Variants in KCNAB2 observed in about 807,000 individuals in gnomAD.
KCNAB2 encodes voltage-gated potassium channel subunit beta-2.
A neutral mutation model predicts 63.6 loss-of-function variants in KCNAB2; 29 were observed. The observed-to-expected ratio is 0.46, with a 90% CI of 0.34 to 0.62. The LOEUF (loss-of-function observed/expected upper bound fraction) is 0.62. Ranked by LOEUF, KCNAB2 falls within the 20% of genes least tolerant of loss-of-function variation. The pLI is 0.01. For synonymous variants in KCNAB2, 222 were observed against 224.2 expected (o/e 0.99, Z 0.09); for missense variants, 359 against 563.9 (o/e 0.64, Z 3.68).
At chr1:6,091,137 C>T in intron 9 of KCNAB2, 126 bp from the exon 10 acceptor site, 1 of 712,594 alleles carries the variant, frequency 1.4e-6, no homozygotes, top group African/African-American at 1.8e-5. Flanking sequence ...ATATTTTTTT[C>T]CTTTTTAACT....
intron 4 of KCNAB2, 104 bp from the exon 5 acceptor site, chr1:6,082,091 C>G: frequency 1.1e-6 from 1 of 925,776 alleles, no homozygotes; most frequent in Non-Finnish European, 1.8e-6. Flanking sequence ...CCCGGGAGGG[C>G]AGGGCCTGGA....
At chr1:6,031,826 C>T (rs1329776698), upstream of KCNAB2, among the ~76,000 whole-genome samples, 6 of 152,042 alleles carry the variant, frequency 3.9e-5, no homozygotes, top group African/African-American at 1.5e-4. The surrounding 1 kb of genome is among the most constrained non-coding windows in gnomAD (Gnocchi z 4.1). Context: ...TAGGTCAGGG[C>T]TGCAGTGAGC....
intron 1 of KCNAB2, among the ~76,000 whole-genome samples, chr1:6,027,985 G>A (rs955564528): frequency 2.0e-5 from 3 of 152,230 alleles, no homozygotes; most frequent in Admixed American, 6.5e-5. Flanking sequence ...AAGTCTGGAT[G>A]GAGCTGTCGG....
rs941906312 is a variant in KCNAB2, at chr1:6,100,293, C to G, written c.*1719C>G. ...TGCCCCTGGCGCCTAGAACCCTTGCCCCTCCTCATAGACCAAGTCCCGGGG... is the reference window on the plus strand; with the variant it reads ...TGCCCCTGGCGCCTAGAACCCTTGCGCCTCCTCATAGACCAAGTCCCGGGG... On this transcript the variant is annotated 3_prime_UTR_variant, in exon 16 of 16. Transcript: ENST00000378083. 3 of 432,334 alleles carry G rather than the reference C, an allele frequency of 6.9e-6. No individual in the cohort carries two copies. The highest frequency in any genetic ancestry group is 1.2e-5 in the Non-Finnish European group (3 of 250,686). 26.8% of individuals were successfully genotyped at this position (432,334 alleles called of 1,614,324 possible). A position where few individuals can be genotyped will look rare whatever the true frequency, so the allele number is the denominator to read the frequency against.
At chr1:6,095,037 A>C (rs1310276267) in intron 11 of KCNAB2, among the ~76,000 whole-genome samples, 1 of 152,250 alleles carries the variant, frequency 6.6e-6, no homozygotes, top group Non-Finnish European at 1.5e-5. Context: ...TGCCAAGGTC[A>C]CACAGCTTGG....
chr1:6,021,534 G>A (rs1033123042), intron 1 of KCNAB2, among the ~76,000 whole-genome samples: 2 of 152,254 alleles, frequency 1.3e-5, no homozygotes, highest in Non-Finnish European at 2.9e-5. Context: ...GTGGTATTAA[G>A]TGTACAGTTC....
At chr1:6,018,052 A>G (rs1226910945) in intron 1 of KCNAB2, among the ~76,000 whole-genome samples, 1 of 152,214 alleles carries the variant, frequency 6.6e-6, no homozygotes, top group Non-Finnish European at 1.5e-5. Flanking sequence ...AGTTGGTACT[A>G]CAGGCACACA....
chr1:6,100,387 T>G lies in KCNAB2; in HGVS notation c.*1813T>G, dbSNP rs1665953937. 4 of 200,474 alleles carry G rather than the reference T, an allele frequency of 2.0e-5. No individual in the cohort carries two copies. The highest frequency in any genetic ancestry group is 4.0e-5 in the Non-Finnish European group (4 of 99,938). 12.4% of individuals were successfully genotyped at this position (200,474 alleles called of 1,614,324 possible). Reference sequence around the variant, plus strand: ...GTGAGTGTGGGGTGGGGAAGTCCCTTCCCAACGGAGGTCCCAGCCTATGGC... The same window carrying G: ...GTGAGTGTGGGGTGGGGAAGTCCCTGCCCAACGGAGGTCCCAGCCTATGGC... On this transcript the variant is annotated 3_prime_UTR_variant, in exon 16 of 16. Coordinates refer to ENST00000378083, the MANE Select transcript of KCNAB2 (RefSeq NM_001199862.2).
At chr1:6,026,761 G>A (rs1659214189) in intron 1 of KCNAB2, among the ~76,000 whole-genome samples, 2 of 152,344 alleles carry the variant, frequency 1.3e-5, no homozygotes, top group South Asian at 2.1e-4. Flanking sequence ...CTTCATCCCT[G>A]GGATGATGTT....
At chr1:6,060,838 G>A (rs553718473) in intron 2 of KCNAB2, among the ~76,000 whole-genome samples, 1 of 151,440 alleles carries the variant, frequency 6.6e-6, no homozygotes, top group African/African-American at 2.4e-5. Flanking sequence ...AGGAGGTGGA[G>A]GTTGCAGTGA....
chr1:6,041,878 G>C, upstream of KCNAB2: 1 of 1,613,620 alleles, frequency 6.2e-7, no homozygotes, highest in Non-Finnish European at 8.5e-7. Context: ...TACAGGTAAT[G>C]AGTCTTCATT....
At chr1:6,093,455 GT>G (rs1213359495) in intron 10 of KCNAB2, among the ~76,000 whole-genome samples, 1 of 152,270 alleles carries the variant, frequency 6.6e-6, no homozygotes, top group East Asian at 1.9e-4. Flanking sequence ...GCAGATTGCT[GT>G]GTCTCAAAGC....
chr1:6,048,013 G>T (rs1308070098), intron 1 of KCNAB2, among the ~76,000 whole-genome samples: 1 of 152,218 alleles, frequency 6.6e-6, no homozygotes, highest in Non-Finnish European at 1.5e-5. Context: ...TTGCAAGCGG[G>T]CCCCCACAGG....
intron 1 of KCNAB2, among the ~76,000 whole-genome samples, chr1:6,020,916 T>C (rs909026242): frequency 3.7e-4 from 56 of 152,262 alleles, no homozygotes; most frequent in African/African-American, 1.3e-3. Flanking sequence ...CGCCTCGGCC[T>C]CCCAAAGTGT....
intron 2 of KCNAB2, among the ~76,000 whole-genome samples, chr1:6,066,290 C>G (rs1043735220): frequency 2.0e-5 from 3 of 152,246 alleles, no homozygotes. Flanking sequence ...CGGGGGCACA[C>G]AGCTTTGCAG....
Position 6,086,504 on chromosome 1 carries a change from C to T in KCNAB2, c.426-963C>T, listed in dbSNP as rs6701010. ...CAGAGGAGGCCTCCTACTCCAGCCT[C>T]GTGAGCTGCTTCCCTGAGCAGCCCG... On this transcript the variant is annotated intron_variant, in intron 6 of 15. Coordinates refer to ENST00000378083, the MANE Select transcript of KCNAB2 (RefSeq NM_001199862.2). This position sits in a 1 kb window ranked among gnomAD's most constrained non-coding sequence, Gnocchi z 4.2. 0.012 allele frequency: 6,284 copies of T among 530,858 alleles called. 158 individuals are homozygous for T. The highest frequency in any genetic ancestry group is 0.074 in the African/African-American group (3,560 of 48,276). The allele number at this position is 530,858 out of a possible 1,614,324, so 32.9% of individuals were successfully genotyped here. A position where few individuals can be genotyped will look rare whatever the true frequency, so the allele number is the denominator to read the frequency against.
At chr1:6,037,054 G>A (rs979423291) in intron 1 of KCNAB2, among the ~76,000 whole-genome samples, 3 of 152,150 alleles carry the variant, frequency 2.0e-5, no homozygotes, top group Non-Finnish European at 2.9e-5. Flanking sequence ...GGCTGGCTCT[G>A]GCCTGCTTAG....
At chr1:6,090,613 G>T in intron 9 of KCNAB2, 138 bp downstream of exon 9, 1 of 642,776 alleles carries the variant, frequency 1.6e-6, no homozygotes, top group Non-Finnish European at 2.7e-6. Flanking sequence ...TCCAGGGTGG[G>T]GGGCGAGGGG....
chr1:6,009,874 T>C (rs904054973), intron 1 of KCNAB2, among the ~76,000 whole-genome samples: 8 of 50,426 alleles, frequency 1.6e-4, no homozygotes, highest in East Asian at 2.4e-3. Context: ...TCTTTTTTTC[T>C]TTTTTTTTTT....
Sources: allele counts gnomAD v4.1 joint callset (sites outside exome capture counted in the v4.1 genomes callset), GRCh38; gene constraint gnomAD v4.1.1; non-coding constraint Gnocchi (gnomAD v3.1); transcripts MANE v1.5; gene names NCBI Gene and HGNC (gene_info 2026-07-23, HGNC 2026-07-21).